The following ZFP91 variants were observed in gnomAD, a reference collection of about 807,000 sequenced individuals.
The protein encoded by ZFP91 is E3 ubiquitin-protein ligase ZFP91.
In ZFP91, 7 loss-of-function variants were observed where a neutral mutation model predicts 63.5. The ratio of observed to expected loss-of-function variants is 0.11; its 90% CI spans 0.06 to 0.21. The LOEUF (loss-of-function observed/expected upper bound fraction) is 0.21, where lower values mean the gene tolerates loss of function less well. ZFP91 is among the 10% of genes least tolerant of loss of function. ZFP91 has a pLI of 1.00. For missense variants in ZFP91, 628 were observed against 736.6 expected, an observed-to-expected ratio of 0.85 and a Z score of 1.71; for synonymous variants, 330 against 272.1, an observed-to-expected ratio of 1.21 and a Z score of -2.10.
At chr11:58,610,909 G>A (rs2245938) in intron 4 of ZFP91, 41 bp from the exon 5 acceptor site, 22 of 1,578,204 alleles carry the variant, frequency 1.4e-5, no homozygotes, top group East Asian at 1.1e-4. Context: ...AGACATGTTC[G>A]CTACAACCAG....
In ZFP91 at chr11:58,610,335, G is replaced by GT; in HGVS notation, c.617+2dup. Reference sequence around the variant, plus strand: ...AGCATCAGTCTCCAGGTGGCATTAGGTAAAAAAAACATTAATATTTCATTT... The same window carrying GT: ...AGCATCAGTCTCCAGGTGGCATTAGGTTAAAAAAAACATTAATATTTCATTT... On this transcript the variant is annotated splice_donor_variant, in intron 4 of 10. Coordinates refer to ENST00000316059, the MANE Select transcript of ZFP91 (RefSeq NM_053023.5). LOFTEE classifies it high-confidence loss of function. The GT allele has an allele frequency of 6.3e-7, 1 of 1,583,096 alleles. No individual in the cohort carries two copies. The highest frequency in any genetic ancestry group is 8.5e-7 in the Non-Finnish European group (1 of 1,171,218).
intron 2 of ZFP91, among the ~76,000 whole-genome samples, chr11:58,601,668 C>A (rs998433546): frequency 4.0e-5 from 6 of 151,180 alleles, no homozygotes; most frequent in African/African-American, 1.5e-4. Flanking sequence ...ACTCTGAGAA[C>A]TGCTTTCACT....
intron 2 of ZFP91, among the ~76,000 whole-genome samples, chr11:58,585,305 C>T (rs914884716): frequency 7.9e-5 from 12 of 152,062 alleles, no homozygotes; most frequent in African/African-American, 2.9e-4. Context: ...GGTCATTTTC[C>T]TTTAAGTTTG....
Position 58,594,242 on chromosome 11 carries a change from T to C in ZFP91, c.370+9358T>C, listed in dbSNP as rs182258293. Among the ~76,000 whole-genome samples, 487 of 152,336 alleles carry C rather than the reference T, an allele frequency of 3.2e-3. 2 individuals are homozygous for C. The highest frequency in any genetic ancestry group is 0.011 in the African/African-American group (470 of 41,562). ...ATGTTTTCTCTGCTGCAGTCATGTT[T>C]ATCTTCTTTCTTTCAATTCTCAAGA... On this transcript the variant is annotated intron_variant, in intron 2 of 10. Coordinates refer to ENST00000316059, the MANE Select transcript of ZFP91 (RefSeq NM_053023.5).
intron 2 of ZFP91, among the ~76,000 whole-genome samples, chr11:58,593,180 T>C (rs763017784): frequency 2.6e-5 from 4 of 152,208 alleles, no homozygotes; most frequent in Non-Finnish European, 5.9e-5. Flanking sequence ...CCACAGTTAA[T>C]AATAATGTAT....
At position 58,588,100 on chromosome 11, in the gene ZFP91, G is replaced by C. The variant is rs145464739; in HGVS notation, c.370+3216G>C. ...AGACCCCCTTTTTAAAGAGCATTTC[G>C]TAAAACTGGAGTTTACAGAAAACAT... is the stretch of plus-strand genomic sequence containing the variant. On this transcript the variant is annotated intron_variant, in intron 2 of 10. Transcript: ENST00000316059. 2.6e-5 allele frequency among the ~76,000 whole-genome samples: 4 copies of C among 152,060 alleles called. No individual in the cohort carries two copies. In the East Asian group the frequency reaches 7.7e-4, roughly 29 times the overall value.
intron 2 of ZFP91, among the ~76,000 whole-genome samples, chr11:58,602,981 A>C (rs1365886271): frequency 6.6e-6 from 1 of 152,052 alleles, no homozygotes; most frequent in Admixed American, 6.6e-5. Flanking sequence ...CTCTGTCTCA[A>C]AAAAAAAGAA....
At chr11:58,606,542 G>A (rs2134414183) in intron 2 of ZFP91, among the ~76,000 whole-genome samples, 1 of 152,190 alleles carries the variant, frequency 6.6e-6, no homozygotes, top group South Asian at 2.1e-4. Context: ...ACATGTGCAG[G>A]TTTGTTACTG....
chr11:58,579,746 C>G, intron 1 of ZFP91, 124 bp downstream of exon 1: 1 of 901,350 alleles, frequency 1.1e-6, no homozygotes. Flanking sequence ...GCTCCGCACG[C>G]CAGATGTCAC....
chr11:58,584,935 T>A, intron 2 of ZFP91, 51 bp downstream of exon 2: 1 of 1,362,412 alleles, frequency 7.3e-7, no homozygotes. Flanking sequence ...GATTATCTTT[T>A]AATCTGTTAG....
chr11:58,614,280 C>G lies in ZFP91; in HGVS notation c.1039C>G (p.Pro347Ala), dbSNP rs1479917875. The G allele has an allele frequency of 6.2e-7, 1 of 1,611,938 alleles. No individual in the cohort carries two copies. Among genetic ancestry groups the G allele is most frequent in the Non-Finnish European group, 8.5e-7 (1 of 1,178,842 alleles). ...LLKKKYVCPH[P>A]SCGRLFRLQK... Reference sequence around the variant, plus strand: ...GAAGAAGAAATATGTATGTCCCCATCCCTCCTGTGGACGACTCTTCAGGCT... The same window carrying G: ...GAAGAAGAAATATGTATGTCCCCATGCCTCCTGTGGACGACTCTTCAGGCT... The change falls in exon 9 of 11, where the codon CCC becomes GCC. Residue 347 changes from proline (P) to alanine (A), a missense_variant. Around this residue, in one of 3 missense-constraint regions of ZFP91, gnomAD observed 76 missense variants for 230.9 expected, o/e 0.33. Transcript: ENST00000316059.
At chr11:58,597,626 C>T (rs1198985294) in intron 2 of ZFP91, among the ~76,000 whole-genome samples, 2 of 152,080 alleles carry the variant, frequency 1.3e-5, no homozygotes, top group African/African-American at 4.8e-5. Flanking sequence ...GTATGCCTTT[C>T]TTATAGCAAT....
At chr11:58,603,731 G>A (rs1028043175) in intron 2 of ZFP91, among the ~76,000 whole-genome samples, 1 of 152,200 alleles carries the variant, frequency 6.6e-6, no homozygotes, top group East Asian at 1.9e-4. Context: ...ATCCACAAAA[G>A]CTTATTCTTA....
intron 2 of ZFP91, among the ~76,000 whole-genome samples, chr11:58,608,051 T>C (rs892581709): frequency 2.6e-5 from 4 of 151,806 alleles, no homozygotes; most frequent in African/African-American, 9.7e-5. Context: ...CCAGAAATGT[T>C]ATTATAGTAT....
intron 7 of ZFP91, 49 bp from the exon 8 acceptor site, chr11:58,612,713 G>C (rs1179565583): frequency 6.7e-6 from 9 of 1,351,100 alleles, no homozygotes; most frequent in Non-Finnish European, 9.1e-6. Flanking sequence ...ACTGTGCAGA[G>C]TACCACTTTT....
chr11:58,606,198 A>T (rs1855567820), intron 2 of ZFP91, among the ~76,000 whole-genome samples: 1 of 152,038 alleles, frequency 6.6e-6, no homozygotes, highest in Non-Finnish European at 1.5e-5. Context: ...AGTAGCTGAG[A>T]ATACAGGGAT....
Position 58,579,166 on chromosome 11 carries a change from C to T in ZFP91, c.-116C>T, listed in dbSNP as rs1855030598. 1.3e-6 allele frequency: 1 copy of T among 778,990 alleles called. No homozygotes were observed. The highest frequency in any genetic ancestry group is 1.7e-6 in the Non-Finnish European group (1 of 577,676). 48.3% of individuals were successfully genotyped at this position (778,990 alleles called of 1,614,324 possible). ...GGAGGGGAGGGGGGAAAGAGGAGCG[C>T]AGGGTGAGAGTGAGCCGCAGGCTTC... On this transcript the variant is annotated 5_prime_UTR_variant, in exon 1 of 11. Coordinates refer to ENST00000316059, the MANE Select transcript of ZFP91 (RefSeq NM_053023.5).
At chr11:58,608,539 G>A (rs191286168) in intron 2 of ZFP91, among the ~76,000 whole-genome samples, 2 of 152,168 alleles carry the variant, frequency 1.3e-5, no homozygotes, top group African/African-American at 4.8e-5. Context: ...CATGAAAAAT[G>A]GTGTCATGCT....
intron 2 of ZFP91, among the ~76,000 whole-genome samples, chr11:58,586,006 T>A (rs1281515872): frequency 1.3e-5 from 2 of 152,050 alleles, no homozygotes; most frequent in African/African-American, 4.8e-5. Context: ...TTTTTTTTTT[T>A]ATTTAGAAAC....
Sources: allele counts gnomAD v4.1 joint callset (sites outside exome capture counted in the v4.1 genomes callset), GRCh38; gene constraint gnomAD v4.1.1; regional missense constraint gnomAD v4.1.1; transcripts MANE v1.5; gene names NCBI Gene and HGNC (gene_info 2026-07-23, HGNC 2026-07-21).